EPHA6: variants seen among roughly 807,000 people sequenced by gnomAD.
EPHA6 encodes the protein ephrin type-A receptor 6.
EPHA6 carries 50 observed loss-of-function variants against 112.0 expected under a neutral mutation model. That is an observed-to-expected ratio of 0.45 (90% CI 0.36 to 0.56). The LOEUF (loss-of-function observed/expected upper bound fraction) is 0.56. Among genes scored for constraint, EPHA6 ranks in the 20% least tolerant of loss-of-function variants. The pLI is 0.00. For missense variants in EPHA6, 1,280 were observed against 1,417.4 expected (o/e 0.90, Z 1.56); for synonymous variants, 529 against 490.7 (o/e 1.08, Z -1.03).
intron 10 of EPHA6, among the ~76,000 whole-genome samples, chr3:97,519,401 T>C (rs2092500681): frequency 6.6e-6 from 1 of 152,230 alleles, no homozygotes; most frequent in South Asian, 2.1e-4. Context: ...TGTTATATCT[T>C]TTGAAGTCAG....
At chr3:97,203,194 T>C (rs2077624770) in intron 3 of EPHA6, among the ~76,000 whole-genome samples, 1 of 152,112 alleles carries the variant, frequency 6.6e-6, no homozygotes. Flanking sequence ...ACAAGATCAC[T>C]CTGATCATAG....
intron 15 of EPHA6, among the ~76,000 whole-genome samples, chr3:97,727,529 T>C (rs1212852314): frequency 6.6e-6 from 1 of 152,046 alleles, no homozygotes; most frequent in Admixed American, 6.6e-5. Context: ...GACTCAGAGA[T>C]CCCAGTCATT....
intron 4 of EPHA6, among the ~76,000 whole-genome samples, chr3:97,234,327 C>T (rs2078619429): frequency 6.6e-6 from 1 of 152,030 alleles, no homozygotes; most frequent in Non-Finnish European, 1.5e-5. Flanking sequence ...AAAAAAAATG[C>T]TCCCAGTCCA....
At chr3:96,950,076 C>T (rs2041460541) in intron 2 of EPHA6, among the ~76,000 whole-genome samples, 1 of 152,124 alleles carries the variant, frequency 6.6e-6, no homozygotes, top group Non-Finnish European at 1.5e-5. Flanking sequence ...CTTCCATTAA[C>T]TTGTCATTAT....
intron 7 of EPHA6, among the ~76,000 whole-genome samples, chr3:97,457,657 G>T (rs10470434): frequency 1.3e-5 from 2 of 151,940 alleles, no homozygotes; most frequent in East Asian, 3.9e-4. Context: ...ATTTGTATTA[G>T]CCCAATGCAA....
intron 7 of EPHA6, among the ~76,000 whole-genome samples, chr3:97,449,861 A>T (rs991071463): frequency 2.0e-5 from 3 of 152,040 alleles, no homozygotes; most frequent in African/African-American, 7.2e-5. Flanking sequence ...ACTCCCTCAA[A>T]ATGAAGCTAC....
rs536931548 is a variant in EPHA6, at chr3:97,289,201, C to T, written c.1606+44914C>T. On this transcript the variant is annotated intron_variant, in intron 5 of 17. Transcript: ENST00000389672. ...ATTTCCTAGGTTTTCTTCTAGGATTCTTCTAGTTTTAGGTCTTACGTTTAA... is the reference window on the plus strand; with the variant it reads ...ATTTCCTAGGTTTTCTTCTAGGATTTTTCTAGTTTTAGGTCTTACGTTTAA... Among the ~76,000 whole-genome samples the T allele has an allele frequency of 1.1e-4, 16 of 152,008 alleles. No homozygotes were observed. The South Asian group carries it at 3.1e-3, about 30-fold the overall frequency.
At chr3:97,516,660 T>C (rs1337865966) in intron 10 of EPHA6, among the ~76,000 whole-genome samples, 1 of 152,168 alleles carries the variant, frequency 6.6e-6, no homozygotes, top group African/African-American at 2.4e-5. Context: ...ATGTTGTATG[T>C]TTTTTTCTCT....
At chr3:97,367,640 A>G (rs2084814002) in intron 5 of EPHA6, among the ~76,000 whole-genome samples, 1 of 151,600 alleles carries the variant, frequency 6.6e-6, no homozygotes, top group African/African-American at 2.4e-5. Context: ...ACTTGCTCAC[A>G]CCTTCGTAAC....
chr3:97,651,270 A>G (rs1216203153), intron 14 of EPHA6, among the ~76,000 whole-genome samples: 1 of 152,080 alleles, frequency 6.6e-6, no homozygotes, highest in African/African-American at 2.4e-5. Context: ...ACAATCTTCA[A>G]TATATTGCAA....
At chr3:97,344,825 G>A (rs765391105) in intron 5 of EPHA6, among the ~76,000 whole-genome samples, 3 of 151,922 alleles carry the variant, frequency 2.0e-5, no homozygotes, top group Non-Finnish European at 2.9e-5. Flanking sequence ...TTTTTTATTA[G>A]CTTGGAAAGA....
intron 5 of EPHA6, among the ~76,000 whole-genome samples, chr3:97,374,957 G>T (rs1383447488): frequency 6.6e-6 from 1 of 152,094 alleles, no homozygotes; most frequent in Non-Finnish European, 1.5e-5. Context: ...TAGACCTAAT[G>T]CTTTTATAGG....
chr3:97,734,210 C>T (rs2035157542), intron 15 of EPHA6, among the ~76,000 whole-genome samples: 1 of 152,008 alleles, frequency 6.6e-6, no homozygotes, highest in African/African-American at 2.4e-5. Context: ...CTATTTTATT[C>T]CATGCATTTA....
chr3:97,627,049 A>T (rs2093863685), intron 13 of EPHA6, among the ~76,000 whole-genome samples: 1 of 152,018 alleles, frequency 6.6e-6, no homozygotes, highest in Middle Eastern at 3.4e-3. Context: ...TAGCTCACTT[A>T]CTGTTTACAA....
chr3:97,016,434 G>A (rs1559670911), intron 3 of EPHA6, among the ~76,000 whole-genome samples: 1 of 151,920 alleles, frequency 6.6e-6, no homozygotes, highest in African/African-American at 2.4e-5. Flanking sequence ...CAGAAAAAAA[G>A]TAAATTAAAT....
chr3:97,519,276 T>G (rs946269203), intron 10 of EPHA6, among the ~76,000 whole-genome samples: 4 of 152,218 alleles, frequency 2.6e-5, no homozygotes, highest in Admixed American at 6.5e-5. Context: ...TGTATGCTCT[T>G]GGCACATCTG....
intron 5 of EPHA6, among the ~76,000 whole-genome samples, chr3:97,265,113 G>A (rs2079631143): frequency 6.6e-6 from 1 of 152,072 alleles, no homozygotes. Context: ...GCTAACCCTG[G>A]GGCTTTTATG....
intron 3 of EPHA6, among the ~76,000 whole-genome samples, chr3:96,999,479 A>G (rs930040985): frequency 6.6e-6 from 1 of 151,952 alleles, no homozygotes; most frequent in Non-Finnish European, 1.5e-5. Flanking sequence ...TAGTCAACTC[A>G]TATTTGAAGA....
intron 2 of EPHA6, among the ~76,000 whole-genome samples, chr3:96,936,826 T>C (rs547816561): frequency 7.0e-4 from 106 of 152,318 alleles, no homozygotes; most frequent in African/African-American, 2.2e-3. Flanking sequence ...GTTCTCACTG[T>C]TCAATTCCCA....
Sources: gnomAD v4.1 joint callset for allele counts (sites outside exome capture counted in the v4.1 genomes callset) on GRCh38, gnomAD v4.1.1 for gene constraint, MANE v1.5 for transcripts, NCBI Gene and HGNC (gene_info 2026-07-23, HGNC 2026-07-21) for gene names.